JAKMIP2: variants seen among roughly 807,000 people sequenced by gnomAD.
JAKMIP2 encodes janus kinase and microtubule interacting protein 2.
In JAKMIP2, 25 loss-of-function variants were observed where a neutral mutation model predicts 115.0. The ratio of observed to expected loss-of-function variants is 0.22; its 90% CI spans 0.16 to 0.30. The LOEUF is 0.30. Ranked by LOEUF, JAKMIP2 falls within the 10% of genes least tolerant of loss-of-function variation. The probability of loss-of-function intolerance (pLI) is 1.00; values close to 1 mark genes in which losing one functional copy is unlikely to be tolerated. For missense variants in JAKMIP2, 642 were observed against 957.6 expected, an observed-to-expected ratio of 0.67 and a Z score of 4.35; for synonymous variants, 334 against 343.6, an observed-to-expected ratio of 0.97 and a Z score of 0.31.
chr5:147,712,156 C>T (rs1019483806), intron 1 of JAKMIP2, among the ~76,000 whole-genome samples: 2 of 152,128 alleles, frequency 1.3e-5, no homozygotes, highest in East Asian at 1.9e-4. Flanking sequence ...TTGGCTTTGC[C>T]GCCTGTCTTC....
At chr5:147,611,994 A>G in intron 20 of JAKMIP2, 2 of 467,068 alleles carry the variant, frequency 4.3e-6, no homozygotes, top group South Asian at 3.6e-5. Flanking sequence ...AAAAAAGAGC[A>G]AAGTAGGGTA....
At chr5:147,741,989 C>T (rs1029270810) in intron 1 of JAKMIP2, among the ~76,000 whole-genome samples, 5 of 151,590 alleles carry the variant, frequency 3.3e-5, no homozygotes, top group African/African-American at 4.8e-5. Context: ...CTATATTAAA[C>T]GACAAAAGCT....
At chr5:147,632,981 A>C (rs750676557) in intron 12 of JAKMIP2, among the ~76,000 whole-genome samples, 3 of 152,198 alleles carry the variant, frequency 2.0e-5, no homozygotes, top group Non-Finnish European at 4.4e-5. Flanking sequence ...GTCACAGAGA[A>C]AAATGCCAGA....
chr5:147,710,924 GT>G (rs1185271797), intron 1 of JAKMIP2, among the ~76,000 whole-genome samples: 1 of 152,214 alleles, frequency 6.6e-6, no homozygotes, highest in South Asian at 2.1e-4. Flanking sequence ...ACAAATGAAT[GT>G]TTCTCAACAG....
chr5:147,774,218 G>C (rs972091145), intron 1 of JAKMIP2, among the ~76,000 whole-genome samples: 2 of 152,022 alleles, frequency 1.3e-5, no homozygotes, highest in African/African-American at 4.8e-5. Context: ...CCTTCCTTTG[G>C]GTTTAGGAAA....
intron 1 of JAKMIP2, among the ~76,000 whole-genome samples, chr5:147,757,503 T>G (rs1209541048): frequency 3.3e-5 from 5 of 152,094 alleles, no homozygotes; most frequent in Admixed American, 6.6e-5. Flanking sequence ...GAGTCAGGGA[T>G]GGGATCCCAC....
In JAKMIP2 at chr5:147,661,010, G is replaced by C. The variant is rs1758932520; in HGVS notation, c.565C>G (p.Gln189Glu). 2 of 1,613,902 alleles carry C rather than the reference G, an allele frequency of 1.2e-6. No individual in the cohort carries two copies. The highest frequency in any genetic ancestry group is 1.7e-6 in the Non-Finnish European group (2 of 1,180,000). ...IKAGDLRSEH[Q>E]SHQEAISKIK... ...TTCGAGATGGCTTCTTGGTGGGACT[G>C]ATGCTCACTCCGAAGGTCCCCAGCC... Residue 189 changes from glutamine (Q) to glutamate (E), a missense_variant, in exon 3 of 22, where the codon CAG (glutamine) becomes GAG (glutamate). Coordinates refer to ENST00000616793, the MANE Select transcript of JAKMIP2 (RefSeq NM_001270941.2).
At chr5:147,753,087 C>G (rs1754618229) in intron 1 of JAKMIP2, among the ~76,000 whole-genome samples, 1 of 152,164 alleles carries the variant, frequency 6.6e-6, no homozygotes, top group Non-Finnish European at 1.5e-5. Flanking sequence ...ATAGCTGGCA[C>G]TTCCTTGGAT....
chr5:147,665,335 T>A (rs962741628), intron 2 of JAKMIP2, among the ~76,000 whole-genome samples: 5 of 152,264 alleles, frequency 3.3e-5, no homozygotes, highest in Admixed American at 2.6e-4. Flanking sequence ...TGATTCTTAT[T>A]CTAGATAATG....
intron 1 of JAKMIP2, among the ~76,000 whole-genome samples, chr5:147,676,718 A>C (rs562907453): frequency 2.0e-5 from 3 of 152,300 alleles, no homozygotes; most frequent in African/African-American, 4.8e-5. Flanking sequence ...TCTCTGATAA[A>C]GATATTAGAG....
At position 147,640,708 on chromosome 5, in the gene JAKMIP2, T is replaced by C; in HGVS notation, c.1397A>G (p.Asp466Gly). The C allele has an allele frequency of 6.2e-7, 1 of 1,613,666 alleles. No homozygotes were observed. Among genetic ancestry groups the C allele is most frequent in the Non-Finnish European group, 8.5e-7 (1 of 1,179,734 alleles). ...RTPATPDDDL[D>G]ESLAAEESEL... The stretch of plus-strand genomic sequence containing the variant: ...TAGAGAAGTAGAAAAGCTTACTTCA[T>C]CCAAGTCATCATCAGGAGTAGCTGG... Residue 466 changes from aspartate (D) to glycine (G), a missense_variant, in exon 9 of 22, where the codon GAT becomes GGT. By Grantham distance (94) the Asp-to-Gly change is moderately conservative. This residue lies in a region of JAKMIP2 where 439 missense variants were observed against 570.9 expected (regional missense o/e 0.77). Transcript: ENST00000616793.
chr5:147,641,872 A>G, intron 7 of JAKMIP2, 108 bp from the exon 8 acceptor site: 1 of 877,130 alleles, frequency 1.1e-6, no homozygotes, highest in Non-Finnish European at 1.8e-6. Context: ...TTTGGAATAG[A>G]ATAAGACTTT....
At chr5:147,781,136 C>CGCTTT (rs1755742724) in intron 1 of JAKMIP2, among the ~76,000 whole-genome samples, 1 of 152,166 alleles carries the variant, frequency 6.6e-6, no homozygotes, top group Non-Finnish European at 1.5e-5. Flanking sequence ...TTCTCCTGCT[C>CGCTTT]GCTTTGCTCA....
intron 1 of JAKMIP2, among the ~76,000 whole-genome samples, chr5:147,674,014 C>CA (rs1181886750): frequency 6.6e-6 from 1 of 152,128 alleles, no homozygotes; most frequent in African/African-American, 2.4e-5. Context: ...ATTATGCAAA[C>CA]ACCAGACTTG....
intron 1 of JAKMIP2, among the ~76,000 whole-genome samples, chr5:147,780,092 T>C (rs1247555724): frequency 6.6e-6 from 1 of 152,172 alleles, no homozygotes; most frequent in Non-Finnish European, 1.5e-5. Flanking sequence ...TTCTCTTCTC[T>C]AAATGAAATG....
intron 1 of JAKMIP2, among the ~76,000 whole-genome samples, chr5:147,731,022 A>AT (rs1277926833): frequency 6.6e-6 from 1 of 151,976 alleles, no homozygotes; most frequent in Non-Finnish European, 1.5e-5. Context: ...ACATTGAATA[A>AT]TTTTTTCTTT....
intron 2 of JAKMIP2, among the ~76,000 whole-genome samples, chr5:147,670,524 G>A (rs774009730): frequency 1.3e-5 from 2 of 152,156 alleles, no homozygotes; most frequent in Non-Finnish European, 2.9e-5. Flanking sequence ...TGAGATGTGT[G>A]TTTGCTTGTG....
rs529366225 is a variant in JAKMIP2 at position 147,644,322 on chromosome 5, A to G, written c.1084-124T>C. 3.1e-5 allele frequency: 22 copies of G among 716,382 alleles called. No homozygotes were observed. The South Asian group carries it at 5.5e-4, about 18-fold the overall frequency. The allele number at this position is 716,382 out of a possible 1,614,324, so 44.4% of individuals were successfully genotyped here. On this transcript the variant is annotated intron_variant, in intron 6 of 21. Coordinates refer to ENST00000616793, the MANE Select transcript of JAKMIP2 (RefSeq NM_001270941.2). ...TAAATTTGGAAATTGCCCAGCCTGA[A>G]TACACATACACCAACTAAATCCTCA...
intron 1 of JAKMIP2, among the ~76,000 whole-genome samples, chr5:147,718,643 T>C (rs1452659262): frequency 2.0e-5 from 3 of 152,082 alleles, no homozygotes; most frequent in African/African-American, 7.2e-5. Context: ...ATAGAGGTGT[T>C]TGTAGTATTC....
Sources: gnomAD v4.1 joint callset for allele counts (sites outside exome capture counted in the v4.1 genomes callset) on GRCh38, gnomAD v4.1.1 for gene constraint, gnomAD v4.1.1 regional missense constraint, MANE v1.5 for transcripts, NCBI Gene and HGNC (gene_info 2026-07-23, HGNC 2026-07-21) for gene names.